The following RMDN1 variants were observed in gnomAD, a reference collection of about 807,000 sequenced individuals.
RMDN1 encodes regulator of microtubule dynamics protein 1.
Under a neutral mutation model 48.9 loss-of-function variants are expected in RMDN1, and 48 were observed. The observed-to-expected ratio is 0.98, with a 90% CI of 0.78 to 1.25. The LOEUF (loss-of-function observed/expected upper bound fraction) is 1.25. RMDN1 is among the 50% of genes most tolerant of loss of function. The pLI, the probability that RMDN1 is intolerant of heterozygous loss-of-function variation, is 0.00. For synonymous variants in RMDN1, 148 were observed against 132.6 expected, an observed-to-expected ratio of 1.12 and a Z score of -0.80; for missense variants, 418 against 373.4, an observed-to-expected ratio of 1.12 and a Z score of -0.98.
At chr8:86,468,835 A>G, downstream of RMDN1, 1 of 398,226 alleles carries the variant, frequency 2.5e-6, no homozygotes, top group Non-Finnish European at 4.9e-6. Context: ...CAGTCAGAAA[A>G]ACTGTAGAAA....
intron 7 of RMDN1, 31 bp from the exon 8 acceptor site, chr8:86,477,355 T>C: frequency 6.5e-7 from 1 of 1,544,126 alleles, no homozygotes; most frequent in Non-Finnish European, 8.8e-7. Flanking sequence ...CCAAACATAA[T>C]AAAAAAGATT....
intron 6 of RMDN1, 88 bp from the exon 7 acceptor site, chr8:86,479,098 A>G: frequency 1.1e-6 from 1 of 943,386 alleles, no homozygotes; most frequent in Non-Finnish European, 1.7e-6. Context: ...TATAAAAGGA[A>G]TCTTCTACTG....
At position 86,486,635 on chromosome 8, in the gene RMDN1, G is replaced by C; in HGVS notation, c.344C>G (p.Ala115Gly). Residue 115 changes from alanine (A) to glycine (G), a missense_variant, in exon 4 of 10, where the codon GCA (alanine) becomes GGA (glycine). Coordinates refer to ENST00000406452, the MANE Select transcript of RMDN1 (RefSeq NM_016033.3). ...CCGTGCCAAACGCCACAGTAACTCT[G>C]CATCTTCACTAATTTGAAATAAAAT... ...LLTQYKESEDAELLWRLARAS... is the reference protein window; with the variant it reads ...LLTQYKESEDGELLWRLARAS... 1.3e-6 allele frequency: 2 copies of C among 1,581,514 alleles called. No individual in the cohort carries two copies. Among genetic ancestry groups the C allele is most frequent in the Non-Finnish European group, 1.7e-6 (2 of 1,166,024 alleles).
intron 2 of RMDN1, among the ~76,000 whole-genome samples, chr8:86,489,410 T>C (rs1200781711): frequency 6.6e-6 from 1 of 152,216 alleles, no homozygotes. Flanking sequence ...GAAATTCCAA[T>C]TATTATTCAG....
rs553153450 is a variant in RMDN1, at chr8:86,483,233, T to C, written c.585+1639A>G. Among the ~76,000 whole-genome samples the C allele has an allele frequency of 2.3e-3, 346 of 152,360 alleles. 4 individuals are homozygous for C. Among genetic ancestry groups the C allele is most frequent in the Middle Eastern group, 3.4e-3 (1 of 294 alleles). On this transcript the variant is annotated intron_variant, in intron 5 of 9. Coordinates refer to ENST00000406452, the MANE Select transcript of RMDN1 (RefSeq NM_016033.3). ...GCCATTTAAAATATAAACATGTACATTTGAAAGCTTATATAAAACATTGTT... is the reference window on the plus strand; with the variant it reads ...GCCATTTAAAATATAAACATGTACACTTGAAAGCTTATATAAAACATTGTT...
upstream of RMDN1, among the ~76,000 whole-genome samples, chr8:86,511,817 A>G (rs1419376351): frequency 7.1e-6 from 1 of 139,972 alleles, no homozygotes; most frequent in East Asian, 2.0e-4. Flanking sequence ...CCTGTCTCTC[A>G]AAAAAAAAAA....
chr8:86,497,516 C>T (rs1311406634), intron 2 of RMDN1, among the ~76,000 whole-genome samples: 2 of 151,508 alleles, frequency 1.3e-5, no homozygotes, highest in Non-Finnish European at 2.9e-5. Context: ...GCCTGACCAA[C>T]ATGGTGAAAC....
At chr8:86,474,789 T>C in intron 9 of RMDN1, 31 bp downstream of exon 9, 1 of 1,592,836 alleles carries the variant, frequency 6.3e-7, no homozygotes, top group Non-Finnish European at 8.5e-7. Flanking sequence ...CCTCAAAACC[T>C]TTCTGCCTTA....
intron 2 of RMDN1, 100 bp downstream of exon 2, chr8:86,506,895 T>C: frequency 1.5e-6 from 1 of 658,838 alleles, no homozygotes; most frequent in South Asian, 2.2e-5. Flanking sequence ...ATGGATTTTC[T>C]ATTATTAACA....
At chr8:86,482,674 T>A (rs1814730535) in intron 5 of RMDN1, 1 of 872,208 alleles carries the variant, frequency 1.1e-6, no homozygotes, top group Non-Finnish European at 2.0e-6. Context: ...GGAAAAAGAC[T>A]TTATGGAGTT....
intron 2 of RMDN1, among the ~76,000 whole-genome samples, chr8:86,502,157 C>T (rs760468787): frequency 6.6e-6 from 1 of 152,170 alleles, no homozygotes; most frequent in African/African-American, 2.4e-5. Flanking sequence ...AAAAGCTTCA[C>T]TCATTAATTT....
Position 86,488,501 on chromosome 8 carries a change from A to G in RMDN1, c.335+51T>C, listed in dbSNP as rs553431189. The G allele has an allele frequency of 2.4e-5, 28 of 1,152,858 alleles. No individual in the cohort carries two copies. In the Admixed American group the frequency reaches 3.0e-4, roughly 13 times the overall value. 71.4% of individuals were successfully genotyped at this position (1,152,858 alleles called of 1,614,324 possible). A position where few individuals can be genotyped will look rare whatever the true frequency, so the allele number is the denominator to read the frequency against. The stretch of plus-strand genomic sequence containing the variant: ...CTAAGGGTCATTTTAATTGTTAAAT[A>G]ACAAAAATTTTGAGGAAACCACAAG... On this transcript the variant is annotated intron_variant, in intron 3 of 9. Coordinates refer to ENST00000406452, the MANE Select transcript of RMDN1 (RefSeq NM_016033.3).
downstream of RMDN1, chr8:86,470,522 A>C: frequency 1.1e-6 from 1 of 895,200 alleles, no homozygotes; most frequent in Non-Finnish European, 1.5e-6. Flanking sequence ...AATGAAGATA[A>C]AAGGACCCAG....
At chr8:86,504,927 CCT>C in intron 2 of RMDN1, 1 of 1,219,836 alleles carries the variant, frequency 8.2e-7, no homozygotes, top group South Asian at 1.2e-5. Flanking sequence ...CTTCAAAGTC[CCT>C]GAGACCCATG....
At chr8:86,485,019 G>T in intron 4 of RMDN1, 58 bp from the exon 5 acceptor site, 3 of 955,126 alleles carry the variant, frequency 3.1e-6, no homozygotes, top group East Asian at 2.6e-5. Context: ...TTCAATACAA[G>T]GTAAAACTGT....
In RMDN1 at chr8:86,473,181, CAT is replaced by C; in HGVS notation, c.*1125_*1126del. The C allele has an allele frequency of 1.0e-6, 1 of 985,088 alleles. No homozygotes were observed. The highest frequency in any genetic ancestry group is 1.8e-5 in the African/African-American group (1 of 57,138). 61.0% of individuals were successfully genotyped at this position (985,088 alleles called of 1,614,324 possible). A position where few individuals can be genotyped will look rare whatever the true frequency, so the allele number is the denominator to read the frequency against. ...TTTGTTTGAAAATGTACATGACAAACATATCCATACAGTTCATTGTAACATTA... is the reference window on the plus strand; with the variant it reads ...TTTGTTTGAAAATGTACATGACAAACATCCATACAGTTCATTGTAACATTA... On this transcript the variant is annotated 3_prime_UTR_variant, in exon 10 of 10. Transcript: ENST00000406452.
chr8:86,487,564 G>T (rs867979529), intron 3 of RMDN1, among the ~76,000 whole-genome samples: 18 of 151,910 alleles, frequency 1.2e-4, no homozygotes, highest in African/African-American at 2.9e-4. Flanking sequence ...CTCCAGCTTG[G>T]ACAACAAGAG....
chr8:86,485,632 C>A (rs1395495011), intron 4 of RMDN1, among the ~76,000 whole-genome samples: 1 of 152,140 alleles, frequency 6.6e-6, no homozygotes, highest in Non-Finnish European at 1.5e-5. Flanking sequence ...TCCATCTACT[C>A]TCACATTGCA....
intron 2 of RMDN1, chr8:86,503,471 G>A (rs1404414486): frequency 2.0e-5 from 4 of 197,622 alleles, no homozygotes; most frequent in African/African-American, 4.7e-5. Context: ...GAGAAAACTC[G>A]TTTCTGAGAA....
Sources: gnomAD v4.1 joint callset for allele counts (sites outside exome capture counted in the v4.1 genomes callset) on GRCh38, gnomAD v4.1.1 for gene constraint, MANE v1.5 for transcripts, NCBI Gene and HGNC (gene_info 2026-07-23, HGNC 2026-07-21) for gene names.